CEP112: variants seen among roughly 807,000 people sequenced by gnomAD.
The protein encoded by CEP112 is centrosomal protein 112.
CEP112 carries 127 observed loss-of-function variants against 153.0 expected under a neutral mutation model. The ratio of observed to expected loss-of-function variants is 0.83; its 90% CI spans 0.72 to 0.96. CEP112 has a LOEUF of 0.96. Among genes scored for constraint, CEP112 ranks in the 40% least tolerant of loss-of-function variants. The probability of loss-of-function intolerance (pLI) is 0.00; values close to 1 mark genes in which losing one functional copy is unlikely to be tolerated. For missense variants in CEP112, 1,089 were observed against 1,101.2 expected, an observed-to-expected ratio of 0.99 and a Z score of 0.16; for synonymous variants, 358 against 374.4, an observed-to-expected ratio of 0.96 and a Z score of 0.51.
intron 17 of CEP112, among the ~76,000 whole-genome samples, chr17:65,993,836 G>GGTT (rs2063684840): frequency 6.6e-6 from 1 of 152,086 alleles, no homozygotes; most frequent in African/African-American, 2.4e-5. Context: ...GGGCAGTGAC[G>GGTT]GTTAGGGGCT....
At chr17:65,789,228 C>CCT (rs1162955260) in intron 21 of CEP112, among the ~76,000 whole-genome samples, 3 of 151,922 alleles carry the variant, frequency 2.0e-5, no homozygotes, top group African/African-American at 7.3e-5. Context: ...TTTTAGAATC[C>CCT]CTCTCTCTCG....
At chr17:65,899,856 T>C (rs941698304) in intron 20 of CEP112, among the ~76,000 whole-genome samples, 33 of 152,238 alleles carry the variant, frequency 2.2e-4, no homozygotes, top group African/African-American at 7.2e-4. Context: ...AATTAAAAAA[T>C]TATACAATCT....
At chr17:65,659,615 C>T (rs959737632) in intron 24 of CEP112, among the ~76,000 whole-genome samples, 1 of 152,208 alleles carries the variant, frequency 6.6e-6, no homozygotes, top group Non-Finnish European at 1.5e-5. Context: ...TTTCTTAACA[C>T]CATTGTAAAC....
chr17:66,075,968 G>C (rs952023249), intron 8 of CEP112, among the ~76,000 whole-genome samples: 1 of 152,172 alleles, frequency 6.6e-6, no homozygotes. Context: ...GTTTGCAGGA[G>C]ACATTTCCGA....
chr17:65,736,645 A>G (rs1054397844), intron 23 of CEP112, among the ~76,000 whole-genome samples: 4 of 152,182 alleles, frequency 2.6e-5, no homozygotes, highest in Admixed American at 2.0e-4. Flanking sequence ...TAGATGCCCC[A>G]GGAAAGTGCT....
At chr17:66,180,282 T>C (rs1333344363) in intron 2 of CEP112, among the ~76,000 whole-genome samples, 1 of 151,912 alleles carries the variant, frequency 6.6e-6, no homozygotes, top group Non-Finnish European at 1.5e-5. Context: ...TATTTAAATG[T>C]TTAGTAAAAT....
At chr17:65,798,481 T>C (rs1167535484) in intron 21 of CEP112, among the ~76,000 whole-genome samples, 2 of 152,182 alleles carry the variant, frequency 1.3e-5, no homozygotes, top group Non-Finnish European at 2.9e-5. Context: ...AGTACCCCTG[T>C]GTGGTTATTT....
Position 65,671,695 on chromosome 17 carries a change from G to C in CEP112, c.2697+17434C>G, listed in dbSNP as rs895938343. On this transcript the variant is annotated intron_variant, in intron 24 of 26. Transcript: ENST00000535342. ...ATATTTATAGTACTTGTGTGTGTAT[G>C]TGTGTGTGTATTCCTACTATAATAC... Among the ~76,000 whole-genome samples the C allele has an allele frequency of 2.0e-5, 3 of 152,132 alleles. No homozygotes were observed. The East Asian group carries it at 5.8e-4, about 29-fold the overall frequency.
chr17:66,188,286 A>AACACAC (rs59802008), intron 1 of CEP112, among the ~76,000 whole-genome samples: 4,231 of 109,420 alleles, frequency 0.039, 69 homozygotes, highest in Non-Finnish European at 0.05. Context: ...CACACACACA[A>AACACAC]ACACACACAC....
intron 24 of CEP112, among the ~76,000 whole-genome samples, chr17:65,679,938 T>C (rs2047432734): frequency 6.6e-6 from 1 of 152,234 alleles, no homozygotes; most frequent in Non-Finnish European, 1.5e-5. Context: ...AAGCTACTTA[T>C]ACTAAAGGGA....
intron 17 of CEP112, among the ~76,000 whole-genome samples, chr17:65,971,646 C>T (rs1050646541): frequency 7.4e-6 from 1 of 134,356 alleles, no homozygotes; most frequent in East Asian, 3.6e-4. Context: ...CGTTATATTG[C>T]ATGCATGTCA....
chr17:65,770,278 G>T (rs554829911), intron 21 of CEP112, among the ~76,000 whole-genome samples: 1 of 151,726 alleles, frequency 6.6e-6, no homozygotes, highest in South Asian at 2.1e-4. Flanking sequence ...ACATTAAAAA[G>T]ACAGGAATCA....
At chr17:66,055,043 C>T (rs1449062484) in intron 11 of CEP112, among the ~76,000 whole-genome samples, 1 of 152,140 alleles carries the variant, frequency 6.6e-6, no homozygotes, top group Non-Finnish European at 1.5e-5. Flanking sequence ...CAGGTGTGAG[C>T]CACCGTGCCT....
At chr17:66,166,443 C>G (rs563053607) in intron 4 of CEP112, among the ~76,000 whole-genome samples, 4 of 152,144 alleles carry the variant, frequency 2.6e-5, no homozygotes, top group Non-Finnish European at 5.9e-5. Context: ...GCTACCAGAC[C>G]ACGTATACTT....
At chr17:65,945,686 C>T (rs1413180926) in intron 18 of CEP112, among the ~76,000 whole-genome samples, 1 of 151,924 alleles carries the variant, frequency 6.6e-6, no homozygotes, top group Non-Finnish European at 1.5e-5. Context: ...CGCTCTTGTC[C>T]CCCAGGCTGG....
At chr17:65,909,095 A>G (rs2060188485) in intron 19 of CEP112, among the ~76,000 whole-genome samples, 1 of 152,244 alleles carries the variant, frequency 6.6e-6, no homozygotes. Flanking sequence ...TTCTCAATAT[A>G]CAATATGTGG....
chr17:65,893,278 A>G (rs772052702), intron 20 of CEP112, among the ~76,000 whole-genome samples: 2 of 152,168 alleles, frequency 1.3e-5, no homozygotes, highest in Non-Finnish European at 2.9e-5. Context: ...TGAGGACACC[A>G]TTAACTCATA....
intron 24 of CEP112, among the ~76,000 whole-genome samples, chr17:65,678,528 A>C (rs1243332424): frequency 4.6e-5 from 7 of 152,214 alleles, no homozygotes; most frequent in Non-Finnish European, 7.3e-5. Context: ...ACGAAAAGAC[A>C]TGAGACTATA....
intron 4 of CEP112, among the ~76,000 whole-genome samples, chr17:66,173,852 C>T (rs557631955): frequency 6.6e-6 from 1 of 152,154 alleles, no homozygotes; most frequent in Non-Finnish European, 1.5e-5. Flanking sequence ...TTCACCTCTT[C>T]CTTTTTGCCT....
Sources: gnomAD v4.1 joint callset for allele counts (sites outside exome capture counted in the v4.1 genomes callset) on GRCh38, gnomAD v4.1.1 for gene constraint, MANE v1.5 for transcripts, NCBI Gene and HGNC (gene_info 2026-07-23, HGNC 2026-07-21) for gene names.